The following ZSWIM5 variants were observed in gnomAD, a reference collection of about 807,000 sequenced individuals.
ZSWIM5 encodes zinc finger SWIM domain-containing protein 5.
Under a neutral mutation model 119.6 loss-of-function variants are expected in ZSWIM5, and 55 were observed. The ratio of observed to expected loss-of-function variants is 0.46; its 90% confidence interval spans 0.37 to 0.58. The LOEUF is 0.58. Ranked by LOEUF, ZSWIM5 falls within the 20% of genes least tolerant of loss-of-function variation. The pLI, the probability that ZSWIM5 is intolerant of heterozygous loss-of-function variation, is 0.00. For synonymous variants in ZSWIM5, 537 were observed against 606.9 expected (o/e 0.88, Z 1.69); for missense variants, 1,193 against 1,512.8 (o/e 0.79, Z 3.51).
At position 45,017,091 on chromosome 1, in the gene ZSWIM5, T is replaced by C. The variant is rs1427233044; in HGVS notation, c.*1363A>G. 6 of 152,214 alleles carry C rather than the reference T, an allele frequency of 3.9e-5. No individual in the cohort carries two copies. The highest frequency in any genetic ancestry group is 8.8e-5 in the Non-Finnish European group (6 of 68,048). The allele number at this position is 152,214 out of a possible 1,614,324, so 9.4% of individuals were successfully genotyped here. On this transcript the variant is annotated 3_prime_UTR_variant, in exon 14 of 14. Coordinates refer to ENST00000359600, the MANE Select transcript of ZSWIM5 (RefSeq NM_020883.2). ...TCTGATGGCAGAGGGAGATTGGTGC[T>C]TAGAAGCTTGTTTGGTGAGAGAATG...
At chr1:45,150,937 C>G (rs987639440) in intron 1 of ZSWIM5, among the ~76,000 whole-genome samples, 5 of 152,184 alleles carry the variant, frequency 3.3e-5, no homozygotes, top group Non-Finnish European at 5.9e-5. Flanking sequence ...ACCCAGGATT[C>G]TCTGTAATTC....
chr1:45,202,972 G>GAT (rs1646166788), intron 1 of ZSWIM5, among the ~76,000 whole-genome samples: 1 of 151,984 alleles, frequency 6.6e-6, no homozygotes, highest in Non-Finnish European at 1.5e-5. Context: ...TAAAAATGCA[G>GAT]ATGCTGAAAA....
chr1:45,115,423 G>GGGT (rs1645548032), intron 1 of ZSWIM5, among the ~76,000 whole-genome samples: 1 of 150,106 alleles, frequency 6.7e-6, no homozygotes, highest in African/African-American at 2.5e-5. Context: ...TTCTCAGACG[G>GGGT]GGCGGCCGGG....
chr1:45,205,265 C>G (rs1250671073), intron 1 of ZSWIM5, among the ~76,000 whole-genome samples: 1 of 152,052 alleles, frequency 6.6e-6, no homozygotes, highest in African/African-American at 2.4e-5. Flanking sequence ...TTAAAACTGT[C>G]TGAAACATGC....
At chr1:45,176,150 T>C (rs938812917) in intron 1 of ZSWIM5, among the ~76,000 whole-genome samples, 1 of 148,654 alleles carries the variant, frequency 6.7e-6, no homozygotes, top group Non-Finnish European at 1.5e-5. Flanking sequence ...ATATATAATA[T>C]ATATTATATA....
chr1:45,124,323 T>C (rs1645608639), intron 1 of ZSWIM5, among the ~76,000 whole-genome samples: 1 of 152,006 alleles, frequency 6.6e-6, no homozygotes, highest in Non-Finnish European at 1.5e-5. Flanking sequence ...CAATTATAAA[T>C]GGAGAAAGTA....
chr1:45,059,579 G>T (rs1055709771), intron 3 of ZSWIM5, among the ~76,000 whole-genome samples: 30 of 152,140 alleles, frequency 2.0e-4, no homozygotes, highest in African/African-American at 7.2e-4. Context: ...ATGTCCTAAA[G>T]TTGATTGTGG....
chr1:45,195,511 G>A (rs924445586), intron 1 of ZSWIM5, among the ~76,000 whole-genome samples: 1 of 151,908 alleles, frequency 6.6e-6, no homozygotes, highest in Non-Finnish European at 1.5e-5. Context: ...GGGATTACAA[G>A]CGTAAGCCAC....
rs1445879762 is a variant in ZSWIM5, at chr1:45,051,058, A to G, written c.1432+16T>C. ...AAGTTCCAGGTACAAAGAGCCTAAA[A>G]GGACACTTGGCTCACCTGGGCTGTG... On this transcript the variant is annotated intron_variant, in intron 5 of 13. Transcript: ENST00000359600. The G allele has an allele frequency of 6.2e-7, 1 of 1,606,512 alleles. No individual in the cohort carries two copies. The highest frequency in any genetic ancestry group is 2.2e-5 in the East Asian group (1 of 44,474).
intron 1 of ZSWIM5, among the ~76,000 whole-genome samples, chr1:45,165,302 G>T (rs1645894116): frequency 6.6e-6 from 1 of 152,140 alleles, no homozygotes; most frequent in Non-Finnish European, 1.5e-5. Context: ...GAATCTCTGG[G>T]ACACATTTAA....
intron 1 of ZSWIM5, among the ~76,000 whole-genome samples, chr1:45,195,873 CTT>C (rs889418087): frequency 4.3e-5 from 6 of 138,538 alleles, no homozygotes; most frequent in Admixed American, 7.2e-5. Flanking sequence ...TTTTCTTTTT[CTT>C]TTTTTTTTTT....
chr1:45,065,729 A>T lies in ZSWIM5; in HGVS notation c.953-5482T>A, dbSNP rs1645178782. Among the ~76,000 whole-genome samples, 9 of 152,328 alleles carry T rather than the reference A, an allele frequency of 5.9e-5. No homozygotes were observed. The South Asian group carries it at 1.9e-3, about 32-fold the overall frequency. On this transcript the variant is annotated intron_variant, in intron 2 of 13. Transcript: ENST00000359600. ...AATGGGTGACAGCAGCAAAAAAGGA[A>T]GTGAGTTAATATTTGGGGCATCGAG...
intron 1 of ZSWIM5, among the ~76,000 whole-genome samples, chr1:45,127,141 G>T (rs983594353): frequency 6.6e-6 from 1 of 152,006 alleles, no homozygotes; most frequent in South Asian, 2.1e-4. Context: ...AGAAGTCAAC[G>T]ATATATAAAA....
At chr1:45,137,006 C>G (rs933246976) in intron 1 of ZSWIM5, among the ~76,000 whole-genome samples, 2 of 152,140 alleles carry the variant, frequency 1.3e-5, no homozygotes, top group Non-Finnish European at 2.9e-5. Flanking sequence ...TTGGGCTCAC[C>G]TCTCTTAGCT....
chr1:45,185,353 G>A (rs1308569507), intron 1 of ZSWIM5, among the ~76,000 whole-genome samples: 1 of 151,206 alleles, frequency 6.6e-6, no homozygotes, highest in Non-Finnish European at 1.5e-5. Flanking sequence ...AGGACTTCAT[G>A]TCTAAAACAC....
In ZSWIM5 at chr1:45,016,608, G is replaced by C. The variant is rs1447234114; in HGVS notation, c.*1846C>G. 6.6e-6 allele frequency: 1 copy of C among 151,994 alleles called. No individual in the cohort carries two copies. The highest frequency in any genetic ancestry group is 2.4e-5 in the African/African-American group (1 of 41,364). The allele number at this position is 151,994 out of a possible 1,614,324, so 9.4% of individuals were successfully genotyped here. ...CCACAAATGGCAAATACAACTTCTTGGTCAGTTTGGAGTAAAAAAGGTGAC... is the reference window on the plus strand; with the variant it reads ...CCACAAATGGCAAATACAACTTCTTCGTCAGTTTGGAGTAAAAAAGGTGAC... On this transcript the variant is annotated 3_prime_UTR_variant, in exon 14 of 14. Transcript: ENST00000359600.
chr1:45,062,943 A>G (rs188344296), intron 2 of ZSWIM5, among the ~76,000 whole-genome samples: 1 of 152,294 alleles, frequency 6.6e-6, no homozygotes, highest in Non-Finnish European at 1.5e-5. Context: ...ATAGTACCCA[A>G]TAGGTACTTT....
intron 1 of ZSWIM5, among the ~76,000 whole-genome samples, chr1:45,147,478 A>G (rs974500059): frequency 4.6e-5 from 7 of 151,746 alleles, no homozygotes; most frequent in Admixed American, 6.6e-5. Context: ...TAGAATTACC[A>G]TATAGAAAAC....
rs1040791519 is a variant in ZSWIM5 at position 45,088,330 on chromosome 1, T to C, written c.596-93A>G. 3.2e-6 allele frequency: 3 copies of C among 929,850 alleles called. No homozygotes were observed. The East Asian group carries it at 7.8e-5, about 24-fold the overall frequency. 57.6% of individuals were successfully genotyped at this position (929,850 alleles called of 1,614,324 possible). A position where few individuals can be genotyped will look rare whatever the true frequency, so the allele number is the denominator to read the frequency against. On this transcript the variant is annotated intron_variant, in intron 1 of 13. Coordinates refer to ENST00000359600, the MANE Select transcript of ZSWIM5 (RefSeq NM_020883.2). This position sits in a 1 kb window ranked among gnomAD's most constrained non-coding sequence, Gnocchi z 4.2. ...TGTAAATTCATCAATTCATAAATTA[T>C]GTATTGGGTATCTCCTACACACGTA...
Sources: allele counts gnomAD v4.1 joint callset (sites outside exome capture counted in the v4.1 genomes callset), GRCh38; gene constraint gnomAD v4.1.1; non-coding constraint Gnocchi (gnomAD v3.1); transcripts MANE v1.5; gene names NCBI Gene and HGNC (gene_info 2026-07-23, HGNC 2026-07-21).